The following ANKS1B variants were observed in gnomAD, a reference collection of about 807,000 sequenced individuals.
ANKS1B encodes ankyrin repeat and sterile alpha motif domain containing 1B.
In ANKS1B, 36 loss-of-function variants were observed where a neutral mutation model predicts 148.3. The observed-to-expected ratio is 0.24, with a 90% CI of 0.19 to 0.32. The LOEUF is 0.32. Ranked by LOEUF, ANKS1B falls within the 10% of genes least tolerant of loss-of-function variation. The pLI is 1.00. For synonymous variants in ANKS1B, 542 were observed against 560.8 expected, an observed-to-expected ratio of 0.97 and a Z score of 0.47; for missense variants, 1,157 against 1,542.6, an observed-to-expected ratio of 0.75 and a Z score of 4.19.
intron 1 of ANKS1B, among the ~76,000 whole-genome samples, chr12:99,909,566 ACT>A (rs2093925530): frequency 6.6e-6 from 1 of 151,636 alleles, no homozygotes; most frequent in Non-Finnish European, 1.5e-5. Context: ...TTATTTCTGA[ACT>A]CTCTATTTTA....
chr12:99,675,330 GT>G (rs2153474725), intron 8 of ANKS1B, among the ~76,000 whole-genome samples: 1 of 151,956 alleles, frequency 6.6e-6, no homozygotes, highest in Admixed American at 6.5e-5. Flanking sequence ...GAAAAACACT[GT>G]TAAATAAATT....
At chr12:98,750,276 G>A (rs1033848149) in intron 26 of ANKS1B, among the ~76,000 whole-genome samples, 1 of 152,098 alleles carries the variant, frequency 6.6e-6, no homozygotes, top group Non-Finnish European at 1.5e-5. Flanking sequence ...GGGATGGCTG[G>A]TAATGAGTGA....
intron 10 of ANKS1B, among the ~76,000 whole-genome samples, chr12:99,503,589 T>C (rs936718002): frequency 2.6e-5 from 4 of 152,294 alleles, no homozygotes; most frequent in Admixed American, 1.3e-4. Context: ...TTTCTTCTTA[T>C]GTTACTATCA....
At chr12:98,904,375 T>C (rs1254076228) in intron 17 of ANKS1B, among the ~76,000 whole-genome samples, 1 of 152,124 alleles carries the variant, frequency 6.6e-6, no homozygotes, top group Non-Finnish European at 1.5e-5. Context: ...ATCCCAAGAG[T>C]TACCATAAGT....
chr12:99,821,712 G>T (rs1432859590), intron 2 of ANKS1B, among the ~76,000 whole-genome samples: 1 of 151,964 alleles, frequency 6.6e-6, no homozygotes, highest in East Asian at 1.9e-4. Flanking sequence ...AAGATATCCT[G>T]CCCATTAGAT....
chr12:99,316,547 T>A (rs2154028804), intron 12 of ANKS1B, among the ~76,000 whole-genome samples: 1 of 152,272 alleles, frequency 6.6e-6, no homozygotes, highest in African/African-American at 2.4e-5. Flanking sequence ...ATTTTTAAGT[T>A]CTTTGTAGAT....
At chr12:99,832,656 A>G (rs1251616663) in intron 1 of ANKS1B, among the ~76,000 whole-genome samples, 1 of 151,844 alleles carries the variant, frequency 6.6e-6, no homozygotes, top group Non-Finnish European at 1.5e-5. Flanking sequence ...CCCAGGAGGC[A>G]GAGGTTGCAG....
intron 17 of ANKS1B, among the ~76,000 whole-genome samples, chr12:99,002,931 C>T (rs968777225): frequency 3.3e-5 from 5 of 152,068 alleles, no homozygotes; most frequent in Non-Finnish European, 7.4e-5. Context: ...TGAAGATTTT[C>T]CCTTATGCTT....
At chr12:99,584,288 T>C (rs1017330562) in intron 9 of ANKS1B, among the ~76,000 whole-genome samples, 5 of 152,170 alleles carry the variant, frequency 3.3e-5, no homozygotes, top group African/African-American at 1.2e-4. Context: ...GGCTTTTATG[T>C]GAAATTCTTC....
At chr12:99,535,578 A>T (rs968875911) in intron 9 of ANKS1B, among the ~76,000 whole-genome samples, 1 of 152,078 alleles carries the variant, frequency 6.6e-6, no homozygotes, top group Non-Finnish European at 1.5e-5. Context: ...CAACATGCCA[A>T]TTTCACCTTC....
intron 8 of ANKS1B, among the ~76,000 whole-genome samples, chr12:99,766,200 A>G (rs1323622603): frequency 6.6e-6 from 1 of 152,146 alleles, no homozygotes; most frequent in Non-Finnish European, 1.5e-5. Flanking sequence ...TCACTGAGAG[A>G]CCACTACATT....
chr12:98,789,547 T>C (rs2098829412), intron 22 of ANKS1B, among the ~76,000 whole-genome samples: 1 of 152,142 alleles, frequency 6.6e-6, no homozygotes, highest in African/African-American at 2.4e-5. Flanking sequence ...GAAGAAGTTT[T>C]CTAGAAGGCA....
At chr12:98,997,030 C>T (rs1455903792) in intron 17 of ANKS1B, among the ~76,000 whole-genome samples, 6 of 151,884 alleles carry the variant, frequency 4.0e-5, no homozygotes, top group Non-Finnish European at 7.4e-5. Context: ...TAGATGTTTA[C>T]TAAAAATTAA....
At chr12:99,695,636 AC>A (rs1474168112) in intron 8 of ANKS1B, among the ~76,000 whole-genome samples, 5 of 152,148 alleles carry the variant, frequency 3.3e-5, no homozygotes, top group Non-Finnish European at 7.3e-5. Context: ...TTCATAATAA[AC>A]CAAACACCGC....
chr12:99,074,599 C>T (rs780488084), intron 16 of ANKS1B, among the ~76,000 whole-genome samples: 17 of 152,248 alleles, frequency 1.1e-4, no homozygotes, highest in African/African-American at 3.1e-4. Context: ...GATGTGACCC[C>T]GTAGAACAGA....
At chr12:99,242,830 G>A (rs1195187843) in intron 14 of ANKS1B, among the ~76,000 whole-genome samples, 1 of 152,152 alleles carries the variant, frequency 6.6e-6, no homozygotes, top group Non-Finnish European at 1.5e-5. Flanking sequence ...TGGGAAAACT[G>A]GCTAGCCATA....
chr12:99,701,169 T>C (rs2054749789), intron 8 of ANKS1B, among the ~76,000 whole-genome samples: 1 of 152,292 alleles, frequency 6.6e-6, no homozygotes, highest in South Asian at 2.1e-4. Flanking sequence ...TTAGAATCTC[T>C]TGGTTGTGCC....
intron 1 of ANKS1B, among the ~76,000 whole-genome samples, chr12:99,853,415 C>A (rs1339024942): frequency 6.6e-6 from 1 of 152,138 alleles, no homozygotes; most frequent in Non-Finnish European, 1.5e-5. Flanking sequence ...CAGGACTCTT[C>A]GTAGACACTC....
rs115429484 is a variant in ANKS1B at position 99,826,851 on chromosome 12, C to T, written c.135-1462G>A. ...GTATGCCAGGCTCAGTGACTCATGC[C>T]TGTAATCCCAGCACTTTGGGAGGCT... On this transcript the variant is annotated intron_variant, in intron 1 of 26. Coordinates refer to ENST00000683438, the MANE Select transcript of ANKS1B (RefSeq NM_001352186.2). Among the ~76,000 whole-genome samples, 1,205 of 152,240 alleles carry T rather than the reference C, an allele frequency of 7.9e-3. 16 individuals carry two copies. Among genetic ancestry groups the T allele is most frequent in the African/African-American group, 0.027 (1,139 of 41,532 alleles).
Sources: allele counts gnomAD v4.1 joint callset (sites outside exome capture counted in the v4.1 genomes callset), GRCh38; gene constraint gnomAD v4.1.1; transcripts MANE v1.5; gene names NCBI Gene and HGNC (gene_info 2026-07-23, HGNC 2026-07-21).